Variants in RAP1A observed in about 807,000 individuals in gnomAD.
The protein encoded by RAP1A is RAP1A, member of RAS oncogene family, also known as ras-related protein Rap-1A.
RAP1A carries 6 observed loss-of-function variants against 26.4 expected under a neutral mutation model. That is an observed-to-expected ratio of 0.23 (90% CI 0.12 to 0.45). RAP1A has a LOEUF of 0.45. Ranked by LOEUF, RAP1A falls within the 20% of genes least tolerant of loss-of-function variation. The pLI is 0.99. For synonymous variants in RAP1A, 73 were observed against 79.4 expected (o/e 0.92, Z 0.43); for missense variants, 121 against 217.2 (o/e 0.56, Z 2.78).
intron 1 of RAP1A, among the ~76,000 whole-genome samples, chr1:111,682,471 G>A (rs1661327865): frequency 6.7e-6 from 1 of 148,218 alleles, no homozygotes; most frequent in Non-Finnish European, 1.5e-5. Context: ...AAAATAAAGG[G>A]ATGGAGGAAT....
chr1:111,634,297 C>G (rs952990950), intron 1 of RAP1A, among the ~76,000 whole-genome samples: 2 of 151,900 alleles, frequency 1.3e-5, no homozygotes, highest in African/African-American at 4.8e-5. Flanking sequence ...TTATATAGGC[C>G]AAAGTGTTCT....
chr1:111,600,110 G>A (rs1201584711), intron 1 of RAP1A: 1 of 152,376 alleles, frequency 6.6e-6, no homozygotes, highest in Non-Finnish European at 1.5e-5. Flanking sequence ...AGAACCACAA[G>A]CCAAAATAAA....
At chr1:111,568,750 C>A (rs569366716) in intron 1 of RAP1A, among the ~76,000 whole-genome samples, 1 of 152,136 alleles carries the variant, frequency 6.6e-6, no homozygotes, top group South Asian at 2.1e-4. Flanking sequence ...GCCTGCCTCT[C>A]CTGCCTCCCT....
intron 7 of RAP1A, 98 bp from the exon 8 acceptor site, chr1:111,712,330 CATT>C (rs1662409713): frequency 6.6e-6 from 1 of 152,294 alleles, no homozygotes; most frequent in Non-Finnish European, 1.5e-5. Context: ...CAGCTAAAAT[CATT>C]ATTTTTTTAT....
chr1:111,685,918 A>G (rs1306193985), intron 1 of RAP1A, among the ~76,000 whole-genome samples: 2 of 152,210 alleles, frequency 1.3e-5, no homozygotes, highest in Non-Finnish European at 1.5e-5. Context: ...AATGTGGCAT[A>G]TATACACATG....
intron 1 of RAP1A, among the ~76,000 whole-genome samples, chr1:111,663,660 A>G (rs529785281): frequency 6.6e-6 from 1 of 152,324 alleles, no homozygotes; most frequent in East Asian, 1.9e-4. Context: ...ATTACCGAAT[A>G]TAGTGGAAAA....
Position 111,704,439 on chromosome 1 carries a change from T to C in RAP1A, c.421T>C (p.Cys141Arg). ...GQNLARQWCN[C>R]AFLESSAKSK... ...GAATTTAGCAAGACAGTGGTGTAAC[T>C]GTGCCTTTTTAGAATCTTCTGCAAA... Residue 141 changes from cysteine to arginine, a missense_variant, in exon 6 of 8, where the codon TGT (cysteine) becomes CGT (arginine). Cys to Arg is a radical substitution (Grantham distance 180). Transcript: ENST00000369709. 6.2e-7 allele frequency: 1 copy of C among 1,613,960 alleles called. No individual in the cohort carries two copies. Among genetic ancestry groups the C allele is most frequent in the South Asian group, 1.1e-5 (1 of 91,080 alleles).
intron 1 of RAP1A, among the ~76,000 whole-genome samples, chr1:111,625,323 CTTT>C (rs567583140): frequency 6.8e-6 from 1 of 147,108 alleles, no homozygotes; most frequent in Non-Finnish European, 1.5e-5. Context: ...TAACTGTTTT[CTTT>C]TTTTTTTGTT....
In RAP1A at chr1:111,682,321, T is replaced by A. The variant is rs921227380; in HGVS notation, c.-27-9013T>A. On this transcript the variant is annotated intron_variant, in intron 1 of 7. Transcript: ENST00000369709. ...AAAATAACCAGATCAAATTCACACA[T>A]AACAATATTAACCTTAAGTGTAAAT... Among the ~76,000 whole-genome samples, 4 of 151,932 alleles carry A rather than the reference T, an allele frequency of 2.6e-5. No homozygotes were observed. The East Asian group carries it at 7.7e-4, about 29-fold the overall frequency.
intron 1 of RAP1A, among the ~76,000 whole-genome samples, chr1:111,593,013 G>C (rs577227041): frequency 6.6e-6 from 1 of 152,262 alleles, no homozygotes; most frequent in East Asian, 1.9e-4. Flanking sequence ...CCCAGAGAGA[G>C]GGAGAGAGAG....
chr1:111,648,897 A>G lies in RAP1A; in HGVS notation c.-28+28963A>G, dbSNP rs183939394. 1,048 of 795,496 alleles carry G rather than the reference A, an allele frequency of 1.3e-3. 6 individuals carry two copies. Among genetic ancestry groups the G allele is most frequent in the South Asian group, 2.6e-3 (194 of 75,342 alleles). 49.3% of individuals were successfully genotyped at this position (795,496 alleles called of 1,614,324 possible). ...CTCCATGGTCAACCCAGAGCTGGCA[A>G]TCTGGGCTTGTAGGCCTTTTACTTC... On this transcript the variant is annotated intron_variant, in intron 1 of 7. Coordinates refer to ENST00000369709, the MANE Select transcript of RAP1A (RefSeq NM_002884.4).
At chr1:111,666,147 G>T (rs1439443817) in intron 1 of RAP1A, among the ~76,000 whole-genome samples, 1 of 152,116 alleles carries the variant, frequency 6.6e-6, no homozygotes, top group East Asian at 1.9e-4. Context: ...ATAATCTTTT[G>T]TTGAAGTCTT....
chr1:111,683,521 G>T (rs1045948910), intron 1 of RAP1A, among the ~76,000 whole-genome samples: 3 of 152,030 alleles, frequency 2.0e-5, no homozygotes, highest in Non-Finnish European at 4.4e-5. Context: ...TACCACCAGA[G>T]AATATAAACA....
At chr1:111,648,257 C>T (rs1208298429) in intron 1 of RAP1A, 13 of 736,006 alleles carry the variant, frequency 1.8e-5, no homozygotes, top group Non-Finnish European at 2.5e-5. Flanking sequence ...TGGCTTCCTG[C>T]TCCCCAAAGG....
At chr1:111,627,125 A>G (rs1659424661) in intron 1 of RAP1A, among the ~76,000 whole-genome samples, 1 of 152,088 alleles carries the variant, frequency 6.6e-6, no homozygotes, top group African/African-American at 2.4e-5. Flanking sequence ...AATTCATGTT[A>G]TACTGTGGCA....
chr1:111,704,606 G>A (rs1249283000), intron 6 of RAP1A, 120 bp downstream of exon 6: 4 of 1,068,806 alleles, frequency 3.7e-6, no homozygotes, highest in Non-Finnish European at 5.1e-6. Flanking sequence ...TAATTTTATA[G>A]GAAACACTAA....
chr1:111,651,576 A>C (rs936850432), intron 1 of RAP1A, among the ~76,000 whole-genome samples: 1 of 150,504 alleles, frequency 6.6e-6, no homozygotes, highest in Admixed American at 6.7e-5. Context: ...TCCCAGGTTC[A>C]AGTAATTCTT....
chr1:111,609,028 C>CT (rs1415667470), intron 1 of RAP1A, among the ~76,000 whole-genome samples: 1 of 152,206 alleles, frequency 6.6e-6, no homozygotes, highest in African/African-American at 2.4e-5. Flanking sequence ...TTCTGGAACT[C>CT]ATTAAAGTCA....
intron 1 of RAP1A, among the ~76,000 whole-genome samples, chr1:111,560,140 A>G (rs1321782594): frequency 1.3e-5 from 2 of 152,218 alleles, no homozygotes; most frequent in Non-Finnish European, 2.9e-5. Context: ...GAGGCTGACA[A>G]AATTGTCTAG....
Sources: allele counts gnomAD v4.1 joint callset (sites outside exome capture counted in the v4.1 genomes callset), GRCh38; gene constraint gnomAD v4.1.1; transcripts MANE v1.5; gene names NCBI Gene and HGNC (gene_info 2026-07-23, HGNC 2026-07-21).